Variants in KLHL1 observed in about 807,000 individuals in gnomAD.
KLHL1 encodes kelch-like protein 1.
In KLHL1, 47 loss-of-function variants were observed where a neutral mutation model predicts 77.7. The observed-to-expected ratio is 0.60, with a 90% confidence interval of 0.48 to 0.77. KLHL1 has a LOEUF of 0.77. KLHL1 is among the 30% of genes least tolerant of loss of function. The probability of loss-of-function intolerance (pLI) is 0.00; values close to 1 mark genes in which losing one functional copy is unlikely to be tolerated. For synonymous variants in KLHL1, 360 were observed against 325.2 expected (o/e 1.11, Z -1.15); for missense variants, 925 against 910.8 (o/e 1.02, Z -0.20).
At chr13:69,892,470 C>G (rs1482547354) in intron 4 of KLHL1, among the ~76,000 whole-genome samples, 1 of 152,130 alleles carries the variant, frequency 6.6e-6, no homozygotes, top group Non-Finnish European at 1.5e-5. Context: ...CTCTGCTTTT[C>G]CTGCTCTAGG....
chr13:69,921,956 T>C (rs762080676), intron 4 of KLHL1, among the ~76,000 whole-genome samples: 34 of 145,628 alleles, frequency 2.3e-4, no homozygotes, highest in Non-Finnish European at 4.0e-4. Context: ...AGAGAGATGG[T>C]CTCACTCTGT....
In KLHL1 at chr13:69,940,208, A is replaced by G. The variant is rs1883324026; in HGVS notation, c.846T>C (p.Ile282=). The G allele has an allele frequency of 6.2e-7, 1 of 1,609,030 alleles. No individual in the cohort carries two copies. The highest frequency in any genetic ancestry group is 8.5e-7 in the Non-Finnish European group (1 of 1,177,962). ...TGCLELKEDT[I]ENLLAAACLL... ...GGCACGCTGCAGCAAGAAGGTTCTC[A>G]ATGGTGTCCTCTTTTAATTCCAAGC... Residue 282 remains isoleucine (I), a synonymous_variant, in exon 4 of 11, where the codon ATT becomes ATC. Transcript: ENST00000377844.
chr13:69,799,438 A>G (rs1424068019), intron 6 of KLHL1, among the ~76,000 whole-genome samples: 1 of 152,226 alleles, frequency 6.6e-6, no homozygotes, highest in East Asian at 1.9e-4. Context: ...GAGCTAGATA[A>G]GTCTTAAATC....
chr13:70,084,719 C>A (rs1023899747), intron 1 of KLHL1, among the ~76,000 whole-genome samples: 2 of 143,610 alleles, frequency 1.4e-5, no homozygotes, highest in Non-Finnish European at 3.0e-5. Flanking sequence ...TCGTGATCCA[C>A]CCGCCTCGGC....
At chr13:69,939,756 C>T (rs1381893582) in intron 4 of KLHL1, among the ~76,000 whole-genome samples, 1 of 152,102 alleles carries the variant, frequency 6.6e-6, no homozygotes, top group Non-Finnish European at 1.5e-5. Context: ...CCTCACCCTA[C>T]ACATCTCTTC....
intron 7 of KLHL1, among the ~76,000 whole-genome samples, chr13:69,752,237 A>G (rs1386713729): frequency 6.6e-6 from 1 of 152,158 alleles, no homozygotes; most frequent in Non-Finnish European, 1.5e-5. Flanking sequence ...GTATCACTGT[A>G]GAGATACGAG....
At position 69,994,290 on chromosome 13, in the gene KLHL1, G is replaced by A. The variant is rs74092317; in HGVS notation, c.498-18488C>T. Among the ~76,000 whole-genome samples, 1,404 of 152,158 alleles carry A rather than the reference G, an allele frequency of 9.2e-3. 26 individuals carry two copies. The highest frequency in any genetic ancestry group is 0.032 in the African/African-American group (1,323 of 41,536). The stretch of plus-strand genomic sequence containing the variant: ...TAGGAGTGGAGCTCTGAGACTTGGA[G>A]ACAATTAGAGGGCATGAACAAAGCC... On this transcript the variant is annotated intron_variant, in intron 1 of 10. Transcript: ENST00000377844.
chr13:69,736,649 T>C (rs1873774561), intron 8 of KLHL1, among the ~76,000 whole-genome samples: 1 of 151,434 alleles, frequency 6.6e-6, no homozygotes, highest in Admixed American at 6.6e-5. Flanking sequence ...CAAATGCCTA[T>C]CAATTAGTGA....
At chr13:69,780,731 T>TATATATACACATATATATATAC (rs1555267679) in intron 7 of KLHL1, among the ~76,000 whole-genome samples, 1 of 75,332 alleles carries the variant, frequency 1.3e-5, no homozygotes, top group African/African-American at 5.2e-5. Context: ...TATATATATA[T>TATATATACACATATATATATAC]ACATATATAT....
At chr13:69,780,727 TATATAC>T (rs1386171216) in intron 7 of KLHL1, among the ~76,000 whole-genome samples, 723 of 55,334 alleles carry the variant, frequency 0.013, 23 homozygotes, top group Middle Eastern at 0.051. Context: ...TATATATATA[TATATAC>T]ATATATATAT....
intron 6 of KLHL1, among the ~76,000 whole-genome samples, chr13:69,808,992 C>A (rs181030705): frequency 6.7e-6 from 1 of 149,154 alleles, no homozygotes; most frequent in African/African-American, 2.5e-5. Flanking sequence ...TCCTTTAAAT[C>A]TACCTAGTCA....
At chr13:69,802,510 C>T (rs988732904) in intron 6 of KLHL1, among the ~76,000 whole-genome samples, 3 of 152,036 alleles carry the variant, frequency 2.0e-5, no homozygotes, top group Non-Finnish European at 4.4e-5. Flanking sequence ...GGCAGAAATG[C>T]AATCCACAAG....
chr13:69,818,594 C>T (rs903562897), intron 6 of KLHL1, among the ~76,000 whole-genome samples: 12 of 152,104 alleles, frequency 7.9e-5, no homozygotes, highest in African/African-American at 2.7e-4. Context: ...CCTTGGGATG[C>T]TTGGGGAAGT....
At chr13:69,912,116 G>T (rs944544379) in intron 4 of KLHL1, among the ~76,000 whole-genome samples, 19 of 152,050 alleles carry the variant, frequency 1.2e-4, no homozygotes, top group African/African-American at 4.6e-4. Flanking sequence ...GAAAAATGAG[G>T]GGAGAAAGCT....
intron 5 of KLHL1, among the ~76,000 whole-genome samples, chr13:69,839,406 A>T (rs1436911572): frequency 6.6e-6 from 1 of 151,942 alleles, no homozygotes; most frequent in African/African-American, 2.4e-5. Context: ...AGTAAAAAAA[A>T]CACTTATAGT....
chr13:70,065,601 C>A (rs1441573), intron 1 of KLHL1, among the ~76,000 whole-genome samples: 51,005 of 152,136 alleles, frequency 0.34, 9,429 homozygotes, highest in African/African-American at 0.5. Context: ...TACCATTTAA[C>A]ACAAAATTTT....
intron 2 of KLHL1, 33 bp downstream of exon 2, chr13:69,975,587 A>T: frequency 6.4e-7 from 1 of 1,567,934 alleles, no homozygotes; most frequent in Non-Finnish European, 8.7e-7. Flanking sequence ...AAACATGTGA[A>T]TGCATGTTTC....
chr13:69,766,675 C>T (rs1875320070), intron 7 of KLHL1, among the ~76,000 whole-genome samples: 2 of 152,054 alleles, frequency 1.3e-5, no homozygotes, highest in Admixed American at 1.3e-4. Flanking sequence ...TCCCATATTT[C>T]ATTGCCCAAA....
chr13:69,970,026 C>T (rs1191652298), intron 2 of KLHL1, among the ~76,000 whole-genome samples: 1 of 152,112 alleles, frequency 6.6e-6, no homozygotes, highest in Non-Finnish European at 1.5e-5. Context: ...GAAAGCTGTG[C>T]AGACTTCTTA....
Sources: allele counts gnomAD v4.1 joint callset (sites outside exome capture counted in the v4.1 genomes callset), GRCh38; gene constraint gnomAD v4.1.1; transcripts MANE v1.5; gene names NCBI Gene and HGNC (gene_info 2026-07-23, HGNC 2026-07-21).